GNG7: variants seen among roughly 807,000 people sequenced by gnomAD.
The protein encoded by GNG7 is guanine nucleotide-binding protein G(I)/G(S)/G(O) subunit gamma-7.
A neutral mutation model predicts 4.0 loss-of-function variants in GNG7; 1 was observed. The observed-to-expected ratio is 0.25, with a 90% CI of 0.09 to 1.18. The LOEUF (loss-of-function observed/expected upper bound fraction) is 1.18, where lower values mean the gene tolerates loss of function less well. GNG7 is among the 50% of genes most tolerant of loss of function. The pLI is 0.50. For missense variants in GNG7, 86 were observed against 91.9 expected (o/e 0.94, Z 0.26); for synonymous variants, 34 against 36.9 (o/e 0.92, Z 0.29).
At chr19:2,646,800 T>C (rs1359573536) in intron 1 of GNG7, among the ~76,000 whole-genome samples, 1 of 152,242 alleles carries the variant, frequency 6.6e-6, no homozygotes, top group African/African-American at 2.4e-5. Context: ...AAAACTGAAC[T>C]GAGTGCAAGG....
intron 1 of GNG7, among the ~76,000 whole-genome samples, chr19:2,682,648 T>C (rs1983768321): frequency 1.0e-5 from 1 of 96,346 alleles, no homozygotes; most frequent in Admixed American, 1.4e-4. Flanking sequence ...AGGGCGAGAC[T>C]CCATCTCAAA....
chr19:2,698,495 C>T (rs970432794), intron 1 of GNG7, among the ~76,000 whole-genome samples: 4 of 151,644 alleles, frequency 2.6e-5, no homozygotes, highest in Middle Eastern at 3.4e-3. Flanking sequence ...GCCCTGGAGG[C>T]GGAGGTTGCA....
chr19:2,535,693 A>G (rs1978713764), intron 3 of GNG7, among the ~76,000 whole-genome samples: 1 of 152,146 alleles, frequency 6.6e-6, no homozygotes, highest in Non-Finnish European at 1.5e-5. Context: ...TCTTTTTGGA[A>G]CACATGTTTT....
At chr19:2,640,998 T>A (rs1377464378) in intron 2 of GNG7, among the ~76,000 whole-genome samples, 1 of 152,198 alleles carries the variant, frequency 6.6e-6, no homozygotes, top group East Asian at 1.9e-4. Context: ...TAAAATGACC[T>A]GCTTGAGAAA....
chr19:2,655,007 C>T lies in GNG7; in HGVS notation c.-134-8727G>A, dbSNP rs991793315. On this transcript the variant is annotated intron_variant, in intron 1 of 4. Coordinates refer to ENST00000382159, the MANE Select transcript of GNG7 (RefSeq NM_052847.3). ...TTCAAGACCAGCCTGGACCACATAG[C>T]AAGACCCCATCTCTACAAAAAAAAT... 1.2e-4 allele frequency among the ~76,000 whole-genome samples: 18 copies of T among 151,960 alleles called. 2 individuals carry two copies. The highest frequency in any genetic ancestry group is 8.5e-4 in the Admixed American group (13 of 15,260).
At chr19:2,558,980 GT>G (rs1395591058) in intron 2 of GNG7, among the ~76,000 whole-genome samples, 13 of 151,858 alleles carry the variant, frequency 8.6e-5, no homozygotes, top group African/African-American at 2.9e-4. Flanking sequence ...TGTATTTTCA[GT>G]AGAGACGGGG....
At chr19:2,580,738 C>G (rs192593895) in intron 2 of GNG7, among the ~76,000 whole-genome samples, 7 of 151,776 alleles carry the variant, frequency 4.6e-5, no homozygotes, top group Admixed American at 4.6e-4. Flanking sequence ...GTAGCTGGGA[C>G]TACAGGTGCC....
chr19:2,657,361 A>AAAAAAAATATAT (rs1555701153), intron 1 of GNG7, among the ~76,000 whole-genome samples: 1 of 16,340 alleles, frequency 6.1e-5, no homozygotes, highest in Non-Finnish European at 1.0e-4. Context: ...AAAAAAAAAA[A>AAAAAAAATATAT]ATATATATAT....
intron 2 of GNG7, among the ~76,000 whole-genome samples, chr19:2,569,183 T>G (rs1296903762): frequency 6.6e-6 from 1 of 152,160 alleles, no homozygotes. Flanking sequence ...ATGAGGCACC[T>G]GCTGGGGATC....
chr19:2,588,831 A>G (rs113872804), intron 2 of GNG7, among the ~76,000 whole-genome samples: 145 of 150,094 alleles, frequency 9.7e-4, no homozygotes, highest in Middle Eastern at 3.4e-3. Context: ...TTCCTCCCCG[A>G]CTCCCTTGCT....
intron 2 of GNG7, among the ~76,000 whole-genome samples, chr19:2,602,323 CG>C (rs1388023418): frequency 7.4e-5 from 11 of 149,634 alleles, no homozygotes; most frequent in African/African-American, 2.8e-4. Flanking sequence ...GGCGACAGAG[CG>C]AGACTCCGTC....
At position 2,589,914 on chromosome 19, in the gene GNG7, C is replaced by A. The variant is rs553621041; in HGVS notation, c.-77-34726G>T. ...GCAACCTCCACCTCCCGGGTTCAAG[C>A]GATTCTTCTACCTCAGCCTCCCGAG... On this transcript the variant is annotated intron_variant, in intron 2 of 4. Coordinates refer to ENST00000382159, the MANE Select transcript of GNG7 (RefSeq NM_052847.3). Among the ~76,000 whole-genome samples the A allele has an allele frequency of 2.6e-5, 4 of 152,276 alleles. No homozygotes were observed. In the South Asian group the frequency reaches 8.3e-4, roughly 32 times the overall value.
chr19:2,551,589 G>GTATTTATGAATATATAAA (rs1421883737), intron 3 of GNG7, among the ~76,000 whole-genome samples: 1 of 145,756 alleles, frequency 6.9e-6, no homozygotes, highest in Non-Finnish European at 1.5e-5. Context: ...ATATAAATAT[G>GTATTTATGAATATATAAA]CATTTATAAA....
intron 2 of GNG7, among the ~76,000 whole-genome samples, chr19:2,625,733 G>A (rs1023366629): frequency 6.6e-6 from 1 of 152,144 alleles, no homozygotes; most frequent in Non-Finnish European, 1.5e-5. Flanking sequence ...CCCTCACCGT[G>A]CTGGGCACAA....
Position 2,571,785 on chromosome 19 carries a change from G to A in GNG7, c.-77-16597C>T, listed in dbSNP as rs186578325. On this transcript the variant is annotated intron_variant, in intron 2 of 4. Coordinates refer to ENST00000382159, the MANE Select transcript of GNG7 (RefSeq NM_052847.3). ...TAATTTTTGTATTTTCAGTAGAGACGGGGTTTCACCATGTTGGCCAGGCTG... is the reference window on the plus strand; with the variant it reads ...TAATTTTTGTATTTTCAGTAGAGACAGGGTTTCACCATGTTGGCCAGGCTG... Among the ~76,000 whole-genome samples, 1,091 of 151,600 alleles carry A rather than the reference G, an allele frequency of 7.2e-3. 20 individuals carry two copies. The highest frequency in any genetic ancestry group is 0.025 in the African/African-American group (1,018 of 41,382).
chr19:2,668,305 G>A (rs971450783), intron 1 of GNG7, among the ~76,000 whole-genome samples: 3 of 152,100 alleles, frequency 2.0e-5, no homozygotes, highest in Non-Finnish European at 4.4e-5. Flanking sequence ...TGTGATTGAG[G>A]GAACATTAAG....
Position 2,693,753 on chromosome 19 carries a change from G to A in GNG7, c.-135+8893C>T, listed in dbSNP as rs189732115. Among the ~76,000 whole-genome samples, 30 of 152,220 alleles carry A rather than the reference G, an allele frequency of 2.0e-4. No homozygotes were observed. In the East Asian group the frequency reaches 5.0e-3, roughly 26 times the overall value. On this transcript the variant is annotated intron_variant, in intron 1 of 4. Transcript: ENST00000382159. ...GTTGCTCAGTGTCCCCTGAAGGCCA[G>A]AATCACCCCCAGGGACAAGCTCTGA... is the stretch of plus-strand genomic sequence containing the variant.
chr19:2,667,450 C>T (rs1273619517), intron 1 of GNG7, among the ~76,000 whole-genome samples: 2 of 152,046 alleles, frequency 1.3e-5, no homozygotes, highest in African/African-American at 4.8e-5. Flanking sequence ...TCTATGTGCT[C>T]GCCAGAAAAC....
chr19:2,637,216 C>CCG (rs1024537664), intron 2 of GNG7, among the ~76,000 whole-genome samples: 2 of 150,938 alleles, frequency 1.3e-5, no homozygotes, highest in Non-Finnish European at 3.0e-5. Flanking sequence ...ACAGGCTCCC[C>CCG]CCGCCCCCGA....
Sources: gnomAD v4.1 joint callset for allele counts (sites outside exome capture counted in the v4.1 genomes callset) on GRCh38, gnomAD v4.1.1 for gene constraint, MANE v1.5 for transcripts, NCBI Gene and HGNC (gene_info 2026-07-23, HGNC 2026-07-21) for gene names.